Variants in AUTS2 observed in about 807,000 individuals in gnomAD.
The protein encoded by AUTS2 is activator of transcription and developmental regulator AUTS2.
A neutral mutation model predicts 112.4 loss-of-function variants in AUTS2; 17 were observed. The ratio of observed to expected loss-of-function variants is 0.15; its 90% CI spans 0.10 to 0.23. AUTS2 has a LOEUF of 0.23. Ranked by LOEUF, AUTS2 falls within the 10% of genes least tolerant of loss-of-function variation. The pLI, the probability that AUTS2 is intolerant of heterozygous loss-of-function variation, is 1.00. For missense variants in AUTS2, 1,510 were observed against 1,701.6 expected (o/e 0.89, Z 1.98); for synonymous variants, 751 against 702.7 (o/e 1.07, Z -1.09).
chr7:69,973,919 G>A (rs989745421), intron 2 of AUTS2, among the ~76,000 whole-genome samples: 1 of 151,930 alleles, frequency 6.6e-6, no homozygotes, highest in African/African-American at 2.4e-5. Context: ...TTTATTATGA[G>A]GATATTACTG....
chr7:70,335,441 C>T (rs1347027475), intron 4 of AUTS2, among the ~76,000 whole-genome samples: 3 of 152,196 alleles, frequency 2.0e-5, no homozygotes, highest in Non-Finnish European at 1.5e-5. Flanking sequence ...GACTTAAGGG[C>T]CAGCCCATCT....
chr7:70,356,999 C>T (rs546862812), intron 4 of AUTS2, among the ~76,000 whole-genome samples: 12 of 152,102 alleles, frequency 7.9e-5, no homozygotes, highest in Non-Finnish European at 1.5e-4. Context: ...TTTCCTGGAG[C>T]ACATTAAAAA....
intron 5 of AUTS2, among the ~76,000 whole-genome samples, chr7:70,542,535 C>T (rs1442655689): frequency 1.3e-5 from 2 of 152,210 alleles, no homozygotes; most frequent in Non-Finnish European, 2.9e-5. Context: ...AGTGGGGTGT[C>T]CTCTTTCCAG....
chr7:69,807,250 T>C (rs965669619), intron 1 of AUTS2, among the ~76,000 whole-genome samples: 2 of 152,246 alleles, frequency 1.3e-5, no homozygotes, highest in African/African-American at 4.8e-5. Flanking sequence ...ATTTATTTTT[T>C]ACTACATGTC....
At chr7:70,383,759 G>C (rs895374950) in intron 4 of AUTS2, among the ~76,000 whole-genome samples, 1 of 152,232 alleles carries the variant, frequency 6.6e-6, no homozygotes, top group Non-Finnish European at 1.5e-5. Context: ...TGAGCTCTCA[G>C]ATCAGCCAGC....
chr7:69,645,200 CTG>C lies in AUTS2; in HGVS notation c.309+45241_309+45242del, dbSNP rs1460426738. On this transcript the variant is annotated intron_variant, in intron 1 of 18. Transcript: ENST00000342771. ...ATACTGAGATTACAGGCATGAGCCACTGTGCCTGGCAGAGTCTTGAATTCTTC... is the reference window on the plus strand; with the variant it reads ...ATACTGAGATTACAGGCATGAGCCACTGCCTGGCAGAGTCTTGAATTCTTC... Among the ~76,000 whole-genome samples, 5 of 152,146 alleles carry C rather than the reference CTG, an allele frequency of 3.3e-5. No homozygotes were observed. The East Asian group carries it at 7.7e-4, about 24-fold the overall frequency.
intron 4 of AUTS2, among the ~76,000 whole-genome samples, chr7:70,373,556 TAA>T (rs1178077867): frequency 2.6e-5 from 4 of 152,198 alleles, no homozygotes; most frequent in Admixed American, 2.6e-4. Flanking sequence ...GCTCTCAAAA[TAA>T]TCTAGAGAAG....
intron 5 of AUTS2, among the ~76,000 whole-genome samples, chr7:70,639,107 A>G (rs1805673239): frequency 6.6e-6 from 1 of 152,212 alleles, no homozygotes; most frequent in South Asian, 2.1e-4. Flanking sequence ...GATTAAGCGC[A>G]TAATATATGT....
At chr7:70,598,428 G>A (rs1358403196) in intron 5 of AUTS2, among the ~76,000 whole-genome samples, 1 of 152,160 alleles carries the variant, frequency 6.6e-6, no homozygotes, top group Admixed American at 6.5e-5. Flanking sequence ...GATACAACAC[G>A]GATGGAAATT....
At chr7:70,604,774 C>T (rs59288044) in intron 5 of AUTS2, among the ~76,000 whole-genome samples, 1,898 of 152,310 alleles carry the variant, frequency 0.012, 38 homozygotes, top group African/African-American at 0.042. Flanking sequence ...GGCCACAGCT[C>T]TGCCTTCTGG....
chr7:70,024,770 G>C (rs917568398), intron 2 of AUTS2, among the ~76,000 whole-genome samples: 1 of 152,256 alleles, frequency 6.6e-6, no homozygotes, highest in East Asian at 1.9e-4. Context: ...TTGCAGTCTT[G>C]AGGCAAAATC....
chr7:70,089,826 T>A (rs1357659193), intron 2 of AUTS2, among the ~76,000 whole-genome samples: 1 of 151,772 alleles, frequency 6.6e-6, no homozygotes, highest in East Asian at 1.9e-4. Flanking sequence ...CTGTCCAACA[T>A]GGCGAAACCC....
chr7:70,695,490 C>T (rs1809035037), intron 5 of AUTS2, among the ~76,000 whole-genome samples: 1 of 152,194 alleles, frequency 6.6e-6, no homozygotes, highest in Non-Finnish European at 1.5e-5. Context: ...GGCTCGGGTT[C>T]GGCAGCGGGA....
At chr7:70,494,561 C>T (rs1020200829) in intron 5 of AUTS2, among the ~76,000 whole-genome samples, 3 of 151,946 alleles carry the variant, frequency 2.0e-5, no homozygotes, top group Admixed American at 6.6e-5. Context: ...AGTGTCCCCA[C>T]GTCCCCACCG....
chr7:70,782,033 C>G, intron 15 of AUTS2: 1 of 404,330 alleles, frequency 2.5e-6, no homozygotes. Flanking sequence ...CAGTATAACT[C>G]ACAAGCATGT....
chr7:70,123,819 A>T (rs1021808145), intron 3 of AUTS2, among the ~76,000 whole-genome samples: 1 of 152,084 alleles, frequency 6.6e-6, no homozygotes, highest in Non-Finnish European at 1.5e-5. Context: ...ATTTGCATGC[A>T]TGTGTTGTTA....
Position 70,694,201 on chromosome 7 carries a change from C to G in AUTS2, c.691-4368C>G, listed in dbSNP as rs1377099550. On this transcript the variant is annotated intron_variant, in intron 5 of 18. Transcript: ENST00000342771. This position sits in a 1 kb window ranked among gnomAD's most constrained non-coding sequence, Gnocchi z 4.1. ...CGATGGAGTTCACTTGAGCTGTGAA[C>G]CGGCGGGAGAGGCAGGCGCCCGCAA... 1 of 150,074 alleles carries G rather than the reference C, an allele frequency of 6.7e-6. No individual in the cohort carries two copies. Among genetic ancestry groups the G allele is most frequent in the Non-Finnish European group, 1.5e-5 (1 of 67,202 alleles). The allele number at this position is 150,074 out of a possible 1,614,324, so 9.3% of individuals were successfully genotyped here. A position where few individuals can be genotyped will look rare whatever the true frequency, so the allele number is the denominator to read the frequency against.
intron 2 of AUTS2, among the ~76,000 whole-genome samples, chr7:70,100,482 A>G (rs1206848770): frequency 6.6e-6 from 1 of 151,506 alleles, no homozygotes; most frequent in African/African-American, 2.4e-5. Flanking sequence ...ACAACATGCA[A>G]GTTTGTTACA....
intron 4 of AUTS2, among the ~76,000 whole-genome samples, chr7:70,255,239 A>G (rs545381358): frequency 1.7e-3 from 260 of 151,940 alleles, no homozygotes; most frequent in Middle Eastern, 0.01. Context: ...ACGCCTGGCT[A>G]ATTTTTGTAT....
Sources: allele counts gnomAD v4.1 joint callset (sites outside exome capture counted in the v4.1 genomes callset), GRCh38; gene constraint gnomAD v4.1.1; non-coding constraint Gnocchi (gnomAD v3.1); transcripts MANE v1.5; gene names NCBI Gene and HGNC (gene_info 2026-07-23, HGNC 2026-07-21).